The following GPR35 variants were observed in gnomAD, a reference collection of about 807,000 sequenced individuals.
GPR35 encodes KYNA receptor.
For missense variants in GPR35, 372 were observed against 422.5 expected (o/e 0.88, Z 1.05); for synonymous variants, 207 against 198.4 (o/e 1.04, Z -0.36).
chr2:240,606,282 T>G (rs999320678), intron 1 of GPR35: 3 of 152,264 alleles, frequency 2.0e-5, no homozygotes, highest in African/African-American at 7.2e-5. Flanking sequence ...GGACACCCAG[T>G]CCTTTTATGA....
chr2:240,623,293 G>C (rs117817152), upstream of GPR35, among the ~76,000 whole-genome samples: 2 of 128,138 alleles, frequency 1.6e-5, no homozygotes, highest in African/African-American at 2.9e-5. Context: ...TGAAGGGCTG[G>C]AAACAGGTCA....
chr2:240,626,024 G>A (rs1377100892), intron 1 of GPR35, among the ~76,000 whole-genome samples: 18 of 71,288 alleles, frequency 2.5e-4, no homozygotes, highest in South Asian at 1.2e-3. Flanking sequence ...AGTGGGGTGA[G>A]GCTGTGATGG....
chr2:240,608,821 G>A (rs747561953), intron 2 of GPR35, among the ~76,000 whole-genome samples: 1 of 152,112 alleles, frequency 6.6e-6, no homozygotes, highest in African/African-American at 2.4e-5. Flanking sequence ...TTATTCTTAA[G>A]TGTTTGATGG....
upstream of GPR35, among the ~76,000 whole-genome samples, chr2:240,622,792 T>A (rs1486125407): frequency 6.6e-6 from 1 of 151,978 alleles, no homozygotes; most frequent in East Asian, 1.9e-4. Flanking sequence ...TGCAGGGGGC[T>A]AACCTTGGGG....
At chr2:240,617,275 C>A (rs2043249051) in exon 4 of GPR35, 1 of 710,486 alleles carries the variant, frequency 1.4e-6, no homozygotes, top group African/African-American at 1.8e-5. Flanking sequence ...CCGGCTGACA[C>A]CTGGATTGCA....
chr2:240,608,350 A>C (rs2043156026), intron 2 of GPR35, among the ~76,000 whole-genome samples: 1 of 152,196 alleles, frequency 6.6e-6, no homozygotes, highest in Admixed American at 6.5e-5. Flanking sequence ...TTCTGAGTAT[A>C]GTGAGAAAGT....
intron 2 of GPR35, among the ~76,000 whole-genome samples, chr2:240,606,934 G>C (rs1028643859): frequency 4.6e-5 from 7 of 152,178 alleles, no homozygotes; most frequent in Non-Finnish European, 8.8e-5. Flanking sequence ...CTGAAGTCTC[G>C]AGGATGAATT....
intron 2 of GPR35, among the ~76,000 whole-genome samples, chr2:240,612,863 G>T (rs2043197175): frequency 6.6e-6 from 1 of 152,254 alleles, no homozygotes; most frequent in Non-Finnish European, 1.5e-5. Context: ...CCAGCCTGCA[G>T]GGCCTCCTGG....
At position 240,632,433 on chromosome 2, in the gene GPR35, C is replaced by A. The variant is rs912978719; in HGVS notation, c.*1551C>A. Among the ~76,000 whole-genome samples the A allele has an allele frequency of 1.3e-5, 2 of 151,056 alleles. No individual in the cohort carries two copies. Among genetic ancestry groups the A allele is most frequent in the East Asian group, 4.0e-4 (2 of 5,060 alleles). ...GGTTCATGCCCAGGAGTGTCCCTGCCTAGGAAGATCCATTACCAGAAGGGC... is the reference window on the plus strand; with the variant it reads ...GGTTCATGCCCAGGAGTGTCCCTGCATAGGAAGATCCATTACCAGAAGGGC... On this transcript the variant is annotated 3_prime_UTR_variant, in exon 2 of 2. Transcript: ENST00000407714.
chr2:240,628,672 C>G (rs1433509733), intron 1 of GPR35: 1 of 152,240 alleles, frequency 6.6e-6, no homozygotes, highest in Non-Finnish European at 1.5e-5. Flanking sequence ...TTTGGGGGAC[C>G]TTTTGTGCTC....
chr2:240,623,168 G>A (rs551481501), upstream of GPR35, among the ~76,000 whole-genome samples: 54 of 152,300 alleles, frequency 3.5e-4, no homozygotes, highest in Non-Finnish European at 6.0e-4. Context: ...CACAGAGGCC[G>A]GGCTCTGTGC....
intron 1 of GPR35, chr2:240,628,302 G>A (rs1468844771): frequency 1.3e-5 from 2 of 152,224 alleles, no homozygotes; most frequent in African/African-American, 4.8e-5. Context: ...CTGGCTCAGG[G>A]TCCCTCCAAA....
At chr2:240,617,454 A>G (rs2043250670) in intron 4 of GPR35, 1 of 553,446 alleles carries the variant, frequency 1.8e-6, no homozygotes, top group Non-Finnish European at 3.3e-6. Flanking sequence ...TAGATAATTA[A>G]CCCTAATGCT....
exon 4 of GPR35, chr2:240,617,392 A>G: frequency 1.6e-6 from 1 of 619,748 alleles, no homozygotes; most frequent in Non-Finnish European, 2.9e-6. Flanking sequence ...CTCATTTTAG[A>G]GGTAATTTTT....
intron 1 of GPR35, chr2:240,627,329 G>C (rs779490376): frequency 6.6e-6 from 1 of 152,272 alleles, no homozygotes; most frequent in East Asian, 1.9e-4. Flanking sequence ...CTCCACGGGC[G>C]AGACAAGGAC....
intron 2 of GPR35, among the ~76,000 whole-genome samples, chr2:240,615,482 C>T (rs1400706007): frequency 1.3e-5 from 2 of 152,196 alleles, no homozygotes; most frequent in East Asian, 3.8e-4. Flanking sequence ...TTGGTTTTGA[C>T]CTTTTATTTT....
At chr2:240,614,808 G>C (rs1373498257) in intron 2 of GPR35, among the ~76,000 whole-genome samples, 1 of 152,212 alleles carries the variant, frequency 6.6e-6, no homozygotes, top group Admixed American at 6.5e-5. Context: ...CAGAGTGTGT[G>C]TGTATGTGCA....
At chr2:240,612,103 C>A (rs1559433041) in intron 2 of GPR35, among the ~76,000 whole-genome samples, 1 of 151,820 alleles carries the variant, frequency 6.6e-6, no homozygotes, top group African/African-American at 2.4e-5. Context: ...AAGTTCTGTT[C>A]CTTCACTTTC....
chr2:240,621,723 G>C (rs1397009469), upstream of GPR35, among the ~76,000 whole-genome samples: 1 of 152,246 alleles, frequency 6.6e-6, no homozygotes, highest in African/African-American at 2.4e-5. Context: ...GGTGAGAAGA[G>C]AGGGTTTATT....
Sources: gnomAD v4.1 joint callset for allele counts (sites outside exome capture counted in the v4.1 genomes callset) on GRCh38, gnomAD v4.1.1 for gene constraint, MANE v1.5 for transcripts, NCBI Gene and HGNC (gene_info 2026-07-23, HGNC 2026-07-21) for gene names.